The following STK32B variants were observed in gnomAD, a reference collection of about 807,000 sequenced individuals.
STK32B encodes serine/threonine-protein kinase 32B.
Under a neutral mutation model 52.6 loss-of-function variants are expected in STK32B, and 43 were observed. The ratio of observed to expected loss-of-function variants is 0.82; its 90% CI spans 0.64 to 1.05. The LOEUF (loss-of-function observed/expected upper bound fraction) is 1.05. STK32B is among the 50% of genes least tolerant of loss of function. The pLI, the probability that STK32B is intolerant of heterozygous loss-of-function variation, is 0.00. For synonymous variants in STK32B, 238 were observed against 204.3 expected, an observed-to-expected ratio of 1.17 and a Z score of -1.41; for missense variants, 621 against 534.6, an observed-to-expected ratio of 1.16 and a Z score of -1.59.
intron 6 of STK32B, among the ~76,000 whole-genome samples, chr4:5,424,570 C>T (rs577343595): frequency 5.4e-4 from 82 of 152,310 alleles, no homozygotes; most frequent in African/African-American, 1.6e-3. Context: ...GGGTCTCCAC[C>T]CAGCTGAGAG....
At chr4:5,111,486 T>C (rs1307206489) in intron 1 of STK32B, among the ~76,000 whole-genome samples, 1 of 152,164 alleles carries the variant, frequency 6.6e-6, no homozygotes, top group Non-Finnish European at 1.5e-5. Flanking sequence ...AGCTGGAGGC[T>C]GTTATCCTAA....
intron 7 of STK32B, among the ~76,000 whole-genome samples, chr4:5,454,535 AG>A (rs1350170435): frequency 2.0e-5 from 3 of 152,160 alleles, no homozygotes; most frequent in African/African-American, 7.2e-5. Flanking sequence ...ACTTCTAGAA[AG>A]AGCCTATGTC....
In STK32B at chr4:5,318,444, G is replaced by T. The variant is rs143492643; in HGVS notation, c.261-12776G>T. Among the ~76,000 whole-genome samples, 6 of 151,944 alleles carry T rather than the reference G, an allele frequency of 3.9e-5. No individual in the cohort carries two copies. In the East Asian group the frequency reaches 9.7e-4, roughly 24 times the overall value. ...GATCTCAACCCTGGAACAGAAAGAA[G>T]AATGAAAGCCAAAATAAATAGATTG... On this transcript the variant is annotated intron_variant, in intron 3 of 11. Transcript: ENST00000282908.
chr4:5,187,777 A>C (rs966488075), intron 3 of STK32B, among the ~76,000 whole-genome samples: 4 of 152,248 alleles, frequency 2.6e-5, no homozygotes, highest in Non-Finnish European at 5.9e-5. Flanking sequence ...CGGCTCCCGC[A>C]CAACTCTGCC....
chr4:5,157,641 G>A (rs1338828094), intron 2 of STK32B, among the ~76,000 whole-genome samples: 1 of 152,242 alleles, frequency 6.6e-6, no homozygotes. Flanking sequence ...AGTGGAGCAT[G>A]TAGCAGGCTG....
intron 11 of STK32B, among the ~76,000 whole-genome samples, chr4:5,474,820 A>C (rs937951057): frequency 1.6e-4 from 25 of 152,186 alleles, no homozygotes; most frequent in African/African-American, 5.3e-4. Flanking sequence ...AGCTAAACTG[A>C]TTAAAACATA....
intron 3 of STK32B, among the ~76,000 whole-genome samples, chr4:5,302,786 A>G (rs752601901): frequency 2.0e-5 from 3 of 150,544 alleles, no homozygotes; most frequent in African/African-American, 4.9e-5. Flanking sequence ...CCCGAAGTCC[A>G]TTGTATCATT....
chr4:5,056,241 G>A (rs1199397668), intron 1 of STK32B, among the ~76,000 whole-genome samples: 1 of 152,114 alleles, frequency 6.6e-6, no homozygotes, highest in Non-Finnish European at 1.5e-5. Flanking sequence ...TCCTCCCTCT[G>A]TCCATAGAAA....
intron 1 of STK32B, among the ~76,000 whole-genome samples, chr4:5,065,333 A>G (rs1282689280): frequency 6.6e-6 from 1 of 152,212 alleles, no homozygotes; most frequent in African/African-American, 2.4e-5. Context: ...GAGTGAACAC[A>G]TAAAAGAACT....
chr4:5,497,836 G>T (rs145371631), intron 11 of STK32B, among the ~76,000 whole-genome samples: 4 of 152,242 alleles, frequency 2.6e-5, no homozygotes, highest in Non-Finnish European at 2.9e-5. Flanking sequence ...GGGTGAAACA[G>T]CTCTTTCATT....
chr4:5,250,200 T>C (rs1725816896), intron 3 of STK32B, among the ~76,000 whole-genome samples: 1 of 152,136 alleles, frequency 6.6e-6, no homozygotes, highest in Admixed American at 6.6e-5. Context: ...CTATTGTGAA[T>C]AGTGCTGCAG....
chr4:5,286,320 TTAATA>T (rs1299541914), intron 3 of STK32B, among the ~76,000 whole-genome samples: 2 of 152,088 alleles, frequency 1.3e-5, no homozygotes, highest in East Asian at 1.9e-4. Flanking sequence ...GTCGGATACT[TTAATA>T]TAAGTTTTAT....
rs556008159 is a variant in STK32B, at chr4:5,348,912, C to G, written c.434+17519C>G. Among the ~76,000 whole-genome samples, 9 of 152,294 alleles carry G rather than the reference C, an allele frequency of 5.9e-5. No homozygotes were observed. The East Asian group carries it at 1.7e-3, about 29-fold the overall frequency. On this transcript the variant is annotated intron_variant, in intron 4 of 11. Coordinates refer to ENST00000282908, the MANE Select transcript of STK32B (RefSeq NM_018401.3). The stretch of plus-strand genomic sequence containing the variant: ...TAACACTCCTTCCAGAGTCTGAGGT[C>G]AGGCCCAGTCAGCCTGCCACTACCA...
At chr4:5,218,596 A>G (rs912195771) in intron 3 of STK32B, among the ~76,000 whole-genome samples, 3 of 152,204 alleles carry the variant, frequency 2.0e-5, no homozygotes, top group Admixed American at 2.0e-4. Flanking sequence ...CATTCCAGAC[A>G]TGCTGGCCTC....
At chr4:5,180,520 G>A (rs539395065) in intron 3 of STK32B, among the ~76,000 whole-genome samples, 12 of 152,200 alleles carry the variant, frequency 7.9e-5, no homozygotes, top group Admixed American at 5.2e-4. Context: ...CTGTGATGGG[G>A]CCCTGGCCCC....
intron 4 of STK32B, among the ~76,000 whole-genome samples, chr4:5,357,088 T>TACACAC (rs33916543): frequency 1.3e-4 from 20 of 148,804 alleles, no homozygotes; most frequent in South Asian, 4.3e-4. Context: ...CACACACGTA[T>TACACAC]ACACACACAC....
intron 5 of STK32B, among the ~76,000 whole-genome samples, chr4:5,414,715 A>G (rs1444906696): frequency 6.6e-6 from 1 of 152,240 alleles, no homozygotes; most frequent in African/African-American, 2.4e-5. Context: ...GCAAAGAGAA[A>G]TCATATATAC....
chr4:5,426,693 A>T (rs1194956367), intron 6 of STK32B, among the ~76,000 whole-genome samples: 3 of 54,898 alleles, frequency 5.5e-5, no homozygotes, highest in Non-Finnish European at 1.0e-4. Context: ...CCATCTAAAC[A>T]AAAAAAAAAA....
intron 3 of STK32B, among the ~76,000 whole-genome samples, chr4:5,285,869 G>A (rs1043067324): frequency 3.9e-5 from 6 of 151,990 alleles, no homozygotes; most frequent in Non-Finnish European, 5.9e-5. Flanking sequence ...ATGATAAATC[G>A]CTAACCCCCT....
Sources: allele counts gnomAD v4.1 joint callset (sites outside exome capture counted in the v4.1 genomes callset), GRCh38; gene constraint gnomAD v4.1.1; transcripts MANE v1.5; gene names NCBI Gene and HGNC (gene_info 2026-07-23, HGNC 2026-07-21).